ZBTB16: variants seen among roughly 807,000 people sequenced by gnomAD.
ZBTB16 encodes zinc finger and BTB domain-containing protein 16.
ZBTB16 carries 8 observed loss-of-function variants against 56.8 expected under a neutral mutation model. The ratio of observed to expected loss-of-function variants is 0.14; its 90% CI spans 0.08 to 0.25. ZBTB16 has a LOEUF of 0.25. Among genes scored for constraint, ZBTB16 ranks in the 10% least tolerant of loss-of-function variants. The pLI is 1.00. For missense variants in ZBTB16, 625 were observed against 903.0 expected (o/e 0.69, Z 3.95); for synonymous variants, 363 against 368.5 (o/e 0.98, Z 0.17).
intron 2 of ZBTB16, among the ~76,000 whole-genome samples, chr11:114,089,440 A>G (rs1025955399): frequency 6.6e-6 from 1 of 152,186 alleles, no homozygotes; most frequent in African/African-American, 2.4e-5. Context: ...ATCATTGAGG[A>G]TAGGGACTGT....
At chr11:114,220,395 G>C (rs186651304) in intron 4 of ZBTB16, among the ~76,000 whole-genome samples, 142 of 152,344 alleles carry the variant, frequency 9.3e-4, no homozygotes, top group African/African-American at 3.3e-3. Context: ...GCATGCATGT[G>C]AGTGTGTGTA....
chr11:114,108,992 TAGTGGGGCTGTCCCACTTTTGG>T (rs1025190648), intron 2 of ZBTB16, among the ~76,000 whole-genome samples: 5 of 152,212 alleles, frequency 3.3e-5, no homozygotes, highest in Admixed American at 2.6e-4. Context: ...TGTGCTTCCC[TAGTGGGGCTGTCCCACTTTTGG>T]AGTGGGGACG....
intron 3 of ZBTB16, among the ~76,000 whole-genome samples, chr11:114,174,144 G>T (rs1943043569): frequency 6.6e-6 from 1 of 152,166 alleles, no homozygotes; most frequent in Non-Finnish European, 1.5e-5. Context: ...AGAATACACT[G>T]AGGTCTACGC....
intron 2 of ZBTB16, among the ~76,000 whole-genome samples, chr11:114,155,378 G>C (rs1305609695): frequency 1.3e-5 from 2 of 152,260 alleles, no homozygotes; most frequent in Non-Finnish European, 2.9e-5. Flanking sequence ...TCGGCTCCCT[G>C]CTAGCGCACC....
intron 4 of ZBTB16, among the ~76,000 whole-genome samples, chr11:114,229,295 C>T (rs920658191): frequency 1.3e-5 from 2 of 152,172 alleles, no homozygotes; most frequent in African/African-American, 2.4e-5. Flanking sequence ...ACTAATTATC[C>T]GTTTTTACTC....
In ZBTB16 at chr11:114,235,707, T is replaced by C. The variant is rs573678450; in HGVS notation, c.1454-6460T>C. 2.6e-4 allele frequency among the ~76,000 whole-genome samples: 36 copies of C among 138,148 alleles called. 1 individual carries two copies. The East Asian group carries it at 4.4e-3, about 17-fold the overall frequency. The allele number at this position is 138,148 out of a possible 152,430, so 90.6% of individuals were successfully genotyped here. A position where few individuals can be genotyped will look rare whatever the true frequency, so the allele number is the denominator to read the frequency against. Reference sequence around the variant, plus strand: ...CTTTCTTTCTTTTCTTTCTTTCTTTTCTTTCTTTCTTTTTCTTTCTTTCTT... The same window carrying C: ...CTTTCTTTCTTTTCTTTCTTTCTTTCCTTTCTTTCTTTTTCTTTCTTTCTT... On this transcript the variant is annotated intron_variant, in intron 4 of 6. Coordinates refer to ENST00000335953, the MANE Select transcript of ZBTB16 (RefSeq NM_006006.6).
At position 114,143,106 on chromosome 11, in the gene ZBTB16, G is replaced by A. The variant is rs76616706; in HGVS notation, c.1269-13231G>A. Among the ~76,000 whole-genome samples, 1,829 of 152,140 alleles carry A rather than the reference G, an allele frequency of 0.012. 22 individuals carry two copies. The highest frequency in any genetic ancestry group is 0.021 in the Non-Finnish European group (1,398 of 67,970). On this transcript the variant is annotated intron_variant, in intron 2 of 6. Coordinates refer to ENST00000335953, the MANE Select transcript of ZBTB16 (RefSeq NM_006006.6). The surrounding 1 kb of genome is among the most constrained non-coding windows in gnomAD (Gnocchi z 6.4). Reference sequence around the variant, plus strand: ...GCTCCCACCTACTCTCCCAGGTTCCGAGGCTCCTGTGCACACGGTGAATGT... The same window carrying A: ...GCTCCCACCTACTCTCCCAGGTTCCAAGGCTCCTGTGCACACGGTGAATGT...
At position 114,063,768 on chromosome 11, in the gene ZBTB16, C is replaced by G; in HGVS notation, c.468C>G (p.Ile156Met). The G allele has an allele frequency of 6.2e-7, 1 of 1,614,112 alleles. No homozygotes were observed. The highest frequency in any genetic ancestry group is 8.5e-7 in the Non-Finnish European group (1 of 1,180,044). Residue 156 changes from isoleucine to methionine, a missense_variant, in exon 2 of 7, where the codon ATC becomes ATG. This residue lies in a region of ZBTB16 where 384 missense variants were observed against 393.5 expected (regional missense o/e 0.98). Transcript: ENST00000335953. This position sits in a 1 kb window ranked among gnomAD's most constrained non-coding sequence, Gnocchi z 6.5. ...EDRKARYLKN[I>M]FISKHSSEES... ...GCAAGGCTCGGTACCTCAAGAACATCTTCATCTCGAAGCATTCCAGCGAGG... is the reference window on the plus strand; with the variant it reads ...GCAAGGCTCGGTACCTCAAGAACATGTTCATCTCGAAGCATTCCAGCGAGG...
rs929708764 is a variant in ZBTB16 at position 114,143,232 on chromosome 11, A to G, written c.1269-13105A>G. Among the ~76,000 whole-genome samples, 2 of 152,204 alleles carry G rather than the reference A, an allele frequency of 1.3e-5. No homozygotes were observed. The highest frequency in any genetic ancestry group is 2.9e-5 in the Non-Finnish European group (2 of 68,038). Reference sequence around the variant, plus strand: ...TGATTTATTACCCACTGTACAGCCAAGATGCATCCACCCCTCATCCATCCA... The same window carrying G: ...TGATTTATTACCCACTGTACAGCCAGGATGCATCCACCCCTCATCCATCCA... On this transcript the variant is annotated intron_variant, in intron 2 of 6. Coordinates refer to ENST00000335953, the MANE Select transcript of ZBTB16 (RefSeq NM_006006.6). This position sits in a 1 kb window ranked among gnomAD's most constrained non-coding sequence, Gnocchi z 6.4.
At chr11:114,069,939 G>A (rs1000092734) in intron 2 of ZBTB16, among the ~76,000 whole-genome samples, 4 of 152,054 alleles carry the variant, frequency 2.6e-5, no homozygotes, top group African/African-American at 9.7e-5. Flanking sequence ...TCATTTAGTG[G>A]CAAAACCTGA....
intron 4 of ZBTB16, among the ~76,000 whole-genome samples, chr11:114,214,697 G>A (rs557291818): frequency 6.6e-6 from 1 of 152,192 alleles, no homozygotes; most frequent in South Asian, 2.1e-4. Context: ...TCCGCCTCCC[G>A]GGTTCAAGCG....
intron 2 of ZBTB16, among the ~76,000 whole-genome samples, chr11:114,079,325 GC>G: frequency 6.6e-6 from 1 of 152,312 alleles, no homozygotes; most frequent in South Asian, 2.1e-4. Context: ...TTGCGCTGTA[GC>G]CCTGTTATGG....
intron 4 of ZBTB16, among the ~76,000 whole-genome samples, chr11:114,224,337 C>T (rs1944290899): frequency 6.6e-6 from 1 of 152,136 alleles, no homozygotes; most frequent in South Asian, 2.1e-4. Context: ...GGATAATGCC[C>T]ACTTTTCTTG....
chr11:114,187,335 G>T (rs1005711787), intron 4 of ZBTB16: 1 of 472,230 alleles, frequency 2.1e-6, no homozygotes, highest in South Asian at 2.5e-5. Context: ...GTATGCTCTT[G>T]TTGAGGCCTT....
At chr11:114,124,402 A>G (rs1941432151) in intron 2 of ZBTB16, among the ~76,000 whole-genome samples, 1 of 151,930 alleles carries the variant, frequency 6.6e-6, no homozygotes. Flanking sequence ...ATTCTCTCTT[A>G]GCATCTCTCC....
chr11:114,224,631 G>A (rs1458198205), intron 4 of ZBTB16, among the ~76,000 whole-genome samples: 1 of 152,130 alleles, frequency 6.6e-6, no homozygotes, highest in African/African-American at 2.4e-5. Flanking sequence ...TAACAAGAGA[G>A]TATAGAAAGA....
At position 114,253,952 on chromosome 11, in the gene ZBTB16, C is replaced by T. The variant is rs1216436240; in HGVS notation, c.*3397C>T. Among the ~76,000 whole-genome samples the T allele has an allele frequency of 6.6e-6, 1 of 152,156 alleles. No individual in the cohort carries two copies. The highest frequency in any genetic ancestry group is 1.5e-5 in the Non-Finnish European group (1 of 68,030). ...CTGGCTGCCTTTAGCTGTGGTACTG[C>T]TGACAACCCTGCTTGCTACTGCCTT... On this transcript the variant is annotated 3_prime_UTR_variant, in exon 7 of 7. Coordinates refer to ENST00000335953, the MANE Select transcript of ZBTB16 (RefSeq NM_006006.6).
In ZBTB16 at chr11:114,167,402, A is replaced by T. The variant is rs562702339; in HGVS notation, c.1366+10968A>T. ...AGTTTTTTTGTTTTTTTTTTTTTTT[A>T]AATTCTCCCTCTACCCCTTGCTTTT... On this transcript the variant is annotated intron_variant, in intron 3 of 6. Coordinates refer to ENST00000335953, the MANE Select transcript of ZBTB16 (RefSeq NM_006006.6). Among the ~76,000 whole-genome samples, 55 of 95,454 alleles carry T rather than the reference A, an allele frequency of 5.8e-4. No homozygotes were observed. The East Asian group carries it at 0.011, about 19-fold the overall frequency. 62.6% of individuals were successfully genotyped at this position (95,454 alleles called of 152,430 possible). A position where few individuals can be genotyped will look rare whatever the true frequency, so the allele number is the denominator to read the frequency against.
intron 2 of ZBTB16, among the ~76,000 whole-genome samples, chr11:114,070,606 G>C (rs540039661): frequency 1.7e-3 from 256 of 152,288 alleles, no homozygotes; most frequent in Non-Finnish European, 2.9e-3. Context: ...TCACAGTCCT[G>C]GGCGCTCTGC....
Sources: allele counts gnomAD v4.1 joint callset (sites outside exome capture counted in the v4.1 genomes callset), GRCh38; gene constraint gnomAD v4.1.1; regional missense constraint gnomAD v4.1.1; non-coding constraint Gnocchi (gnomAD v3.1); transcripts MANE v1.5; gene names NCBI Gene and HGNC (gene_info 2026-07-23, HGNC 2026-07-21).